MMP26: variants seen among roughly 807,000 people sequenced by gnomAD.
The protein encoded by MMP26 is matrix metalloproteinase-26.
MMP26 carries 33 observed loss-of-function variants against 31.0 expected under a neutral mutation model. The ratio of observed to expected loss-of-function variants is 1.06; its 90% CI spans 0.81 to 1.42. MMP26 has a LOEUF of 1.42. MMP26 is among the 40% of genes most tolerant of loss of function. The probability of loss-of-function intolerance (pLI) is 0.00; values close to 1 mark genes in which losing one functional copy is unlikely to be tolerated. For missense variants in MMP26, 347 were observed against 316.1 expected, an observed-to-expected ratio of 1.10 and a Z score of -0.74; for synonymous variants, 122 against 114.9, an observed-to-expected ratio of 1.06 and a Z score of -0.40.
chr11:4,800,266 C>G (rs77648391), intron 2 of MMP26, among the ~76,000 whole-genome samples: 2,836 of 152,350 alleles, frequency 0.019, 48 homozygotes, highest in South Asian at 0.07. Context: ...TAGGGGGAAG[C>G]CTGCAAGCCT....
intron 1 of MMP26, among the ~76,000 whole-genome samples, chr11:4,734,848 C>CGCATAGCATATTTATATA (rs1564897513): frequency 3.0e-4 from 18 of 59,222 alleles, no homozygotes; most frequent in African/African-American, 1.4e-3. Context: ...AGCATATTTT[C>CGCATAGCATATTTATATA]AGCTTGTATC....
chr11:4,735,797 T>G (rs889286386), intron 1 of MMP26, among the ~76,000 whole-genome samples: 6 of 152,158 alleles, frequency 3.9e-5, no homozygotes, highest in African/African-American at 1.4e-4. Flanking sequence ...AAACACTTAA[T>G]AATTTTATTA....
chr11:4,958,022 A>T (rs1345560338), intron 2 of MMP26, among the ~76,000 whole-genome samples: 3 of 152,086 alleles, frequency 2.0e-5, no homozygotes, highest in Non-Finnish European at 4.4e-5. Context: ...GCAGAAAATT[A>T]CTCCAAGGCC....
chr11:4,756,640 T>C (rs1848507587), intron 1 of MMP26: 1 of 151,942 alleles, frequency 6.6e-6, no homozygotes, highest in Admixed American at 6.6e-5. Flanking sequence ...TGAAAACAGA[T>C]GGAGATTGCA....
rs181400473 is a variant in MMP26 at position 4,898,544 on chromosome 11, T to C, written c.-144-89524T>C. 5.9e-3 allele frequency among the ~76,000 whole-genome samples: 892 copies of C among 152,248 alleles called. 6 individuals are homozygous for C. The highest frequency in any genetic ancestry group is 9.2e-3 in the Non-Finnish European group (624 of 68,008). The stretch of plus-strand genomic sequence containing the variant: ...AATTGTTCTTTTCAGGACTTTCTCA[T>C]TGTTTCTATGGGGATTAATGTATTT... On this transcript the variant is annotated intron_variant, in intron 2 of 7. Transcript: ENST00000380390.
chr11:4,914,540 T>A (rs1408773039), intron 2 of MMP26: 6 of 537,816 alleles, frequency 1.1e-5, no homozygotes, highest in Non-Finnish European at 2.0e-5. Context: ...TCATATTACA[T>A]TTTACCCCCC....
intron 2 of MMP26, among the ~76,000 whole-genome samples, chr11:4,829,662 A>T (rs1849620378): frequency 6.6e-6 from 1 of 152,164 alleles, no homozygotes; most frequent in African/African-American, 2.4e-5. Flanking sequence ...AAGGGGCTAG[A>T]TATAAGACAA....
chr11:4,765,472 T>C (rs1005470542), intron 1 of MMP26, among the ~76,000 whole-genome samples: 2 of 152,228 alleles, frequency 1.3e-5, no homozygotes, highest in Admixed American at 6.5e-5. Context: ...TAGCCCCTTG[T>C]TGGCTGCTTG....
intron 1 of MMP26, among the ~76,000 whole-genome samples, chr11:4,757,301 C>A (rs886573259): frequency 1.3e-5 from 2 of 151,974 alleles, no homozygotes; most frequent in Non-Finnish European, 2.9e-5. Flanking sequence ...AACTTGGATT[C>A]TTAGCAAGCA....
intron 1 of MMP26, among the ~76,000 whole-genome samples, chr11:4,726,746 C>G (rs1848105826): frequency 6.6e-6 from 1 of 152,174 alleles, no homozygotes; most frequent in African/African-American, 2.4e-5. Flanking sequence ...GTGCTTCACG[C>G]TTGTAATCCC....
intron 2 of MMP26, among the ~76,000 whole-genome samples, chr11:4,924,787 A>G (rs1223420358): frequency 2.6e-5 from 4 of 152,178 alleles, no homozygotes; most frequent in Non-Finnish European, 5.9e-5. Context: ...AATCACCAGG[A>G]AAAGCCTGAA....
At chr11:4,925,466 C>T (rs922197636) in intron 2 of MMP26, among the ~76,000 whole-genome samples, 3 of 151,836 alleles carry the variant, frequency 2.0e-5, no homozygotes, top group Non-Finnish European at 4.4e-5. Flanking sequence ...AGACCGAGTC[C>T]AGTTTGGATA....
intron 2 of MMP26, chr11:4,882,997 G>A (rs1328762698): frequency 1.4e-6 from 1 of 740,010 alleles, no homozygotes; most frequent in Non-Finnish European, 2.2e-6. Context: ...TTAGGAGTGG[G>A]AAGAAGACAG....
chr11:4,963,186 A>G (rs1564815943), intron 2 of MMP26, among the ~76,000 whole-genome samples: 2 of 152,214 alleles, frequency 1.3e-5, no homozygotes, highest in Non-Finnish European at 2.9e-5. Flanking sequence ...AGGGATGTGA[A>G]GGACCTCTTC....
chr11:4,880,517 A>C (rs1165029143), intron 2 of MMP26, among the ~76,000 whole-genome samples: 1 of 151,942 alleles, frequency 6.6e-6, no homozygotes, highest in Non-Finnish European at 1.5e-5. Flanking sequence ...AGACGATAGG[A>C]CTCAAAACTC....
intron 1 of MMP26, among the ~76,000 whole-genome samples, chr11:4,746,143 C>T (rs1246745854): frequency 1.3e-5 from 2 of 152,178 alleles, no homozygotes; most frequent in Admixed American, 6.5e-5. Flanking sequence ...CATAGTCAAT[C>T]TTATGTTCCC....
chr11:4,902,760 T>A (rs564411244), intron 2 of MMP26, among the ~76,000 whole-genome samples: 1 of 152,160 alleles, frequency 6.6e-6, no homozygotes, highest in Non-Finnish European at 1.5e-5. Flanking sequence ...ACATGGAGAA[T>A]ATGTAATCTC....
intron 1 of MMP26, among the ~76,000 whole-genome samples, chr11:4,729,994 T>C (rs1007803136): frequency 4.6e-5 from 7 of 151,868 alleles, no homozygotes; most frequent in African/African-American, 1.7e-4. Context: ...ACAGCCCTCA[T>C]TTTTGTAGCT....
rs147212642 is a variant in MMP26 at position 4,930,244 on chromosome 11, T to A, written c.-144-57824T>A. ...GTACTACTTGGTAAATCAGTCTAAT[T>A]TGGTGTAATAGACGTAAAGATGTGC... On this transcript the variant is annotated intron_variant, in intron 2 of 7. Coordinates refer to ENST00000380390, the MANE Select transcript of MMP26 (RefSeq NM_021801.5). Among the ~76,000 whole-genome samples the A allele has an allele frequency of 3.9e-3, 588 of 152,158 alleles. 3 individuals are homozygous for A. The highest frequency in any genetic ancestry group is 0.014 in the African/African-American group (567 of 41,528).
Sources: gnomAD v4.1 joint callset for allele counts (sites outside exome capture counted in the v4.1 genomes callset) on GRCh38, gnomAD v4.1.1 for gene constraint, MANE v1.5 for transcripts, NCBI Gene and HGNC (gene_info 2026-07-23, HGNC 2026-07-21) for gene names.